USP34: variants seen among roughly 807,000 people sequenced by gnomAD.
The protein encoded by USP34 is ubiquitin carboxyl-terminal hydrolase 34.
In USP34, 70 loss-of-function variants were observed where a neutral mutation model predicts 460.3. The ratio of observed to expected loss-of-function variants is 0.15; its 90% confidence interval spans 0.13 to 0.19. USP34 has a LOEUF of 0.19. Among genes scored for constraint, USP34 ranks in the 10% least tolerant of loss-of-function variants. USP34 has a pLI of 1.00. For missense variants in USP34, 3,985 were observed against 4,236.2 expected (o/e 0.94, Z 1.65); for synonymous variants, 1,647 against 1,405.3 (o/e 1.17, Z -3.85).
intron 18 of USP34, among the ~76,000 whole-genome samples, chr2:61,337,877 C>T (rs1308180163): frequency 6.6e-6 from 1 of 152,144 alleles, no homozygotes; most frequent in Non-Finnish European, 1.5e-5. Flanking sequence ...TATGCAGATG[C>T]ACATATGGAG....
At chr2:61,369,983 TAA>T (rs35212285) in intron 10 of USP34, among the ~76,000 whole-genome samples, 258 of 127,722 alleles carry the variant, frequency 2.0e-3, no homozygotes, top group East Asian at 6.8e-3. Context: ...TATGCCTATT[TAA>T]AAAAAAAAAA....
intron 10 of USP34, among the ~76,000 whole-genome samples, chr2:61,363,916 G>A (rs922784120): frequency 2.0e-5 from 3 of 152,288 alleles, no homozygotes; most frequent in Middle Eastern, 3.4e-3. Flanking sequence ...ACCACTATCT[G>A]TACGCAAAAC....
chr2:61,416,766 G>T, intron 2 of USP34: 2 of 372,282 alleles, frequency 5.4e-6, no homozygotes, highest in Non-Finnish European at 9.5e-6. Context: ...TTAATAAAAT[G>T]ATGATAATCT....
chr2:61,442,219 A>C (rs1179342884), intron 1 of USP34, among the ~76,000 whole-genome samples: 1 of 152,214 alleles, frequency 6.6e-6, no homozygotes, highest in Non-Finnish European at 1.5e-5. Flanking sequence ...TTATGAATAA[A>C]GACTTCAAAA....
intron 1 of USP34, among the ~76,000 whole-genome samples, chr2:61,441,478 G>GTTGGGGGAA (rs2104025296): frequency 6.6e-6 from 1 of 152,222 alleles, no homozygotes; most frequent in South Asian, 2.1e-4. Flanking sequence ...AGAGATGTCA[G>GTTGGGGGAA]GAGGCCTCCT....
intron 2 of USP34, among the ~76,000 whole-genome samples, chr2:61,412,192 A>G (rs1346476455): frequency 3.3e-5 from 2 of 60,172 alleles, no homozygotes; most frequent in African/African-American, 1.3e-4. Context: ...TCCATCTCAA[A>G]AAAAAAAAAA....
chr2:61,203,055 T>C (rs1481943562), intron 75 of USP34, 85 bp downstream of exon 75: 2 of 1,303,678 alleles, frequency 1.5e-6, no homozygotes, highest in African/African-American at 1.5e-5. Flanking sequence ...AAAAAAAGGA[T>C]TGTCTCATAA....
chr2:61,289,478 A>C (rs1361985667), intron 33 of USP34, among the ~76,000 whole-genome samples: 2 of 152,126 alleles, frequency 1.3e-5, no homozygotes, highest in Admixed American at 6.5e-5. Context: ...CTCAATTTTA[A>C]TAACAGTTCA....
At chr2:61,354,271 A>T (rs951392571) in intron 10 of USP34, among the ~76,000 whole-genome samples, 4 of 152,194 alleles carry the variant, frequency 2.6e-5, no homozygotes, top group Non-Finnish European at 5.9e-5. Flanking sequence ...CTTGTCACAT[A>T]TAAGAGATCC....
At chr2:61,196,634 T>C (rs949270371) in intron 75 of USP34, among the ~76,000 whole-genome samples, 12 of 151,994 alleles carry the variant, frequency 7.9e-5, no homozygotes, top group Non-Finnish European at 1.3e-4. Context: ...CAGGCTCAGA[T>C]GATTCTCCCA....
At chr2:61,258,012 C>G (rs985730049) in intron 44 of USP34, among the ~76,000 whole-genome samples, 1 of 152,148 alleles carries the variant, frequency 6.6e-6, no homozygotes, top group Non-Finnish European at 1.5e-5. Flanking sequence ...TCATTTAAAC[C>G]AGCAATTTTC....
At chr2:61,278,025 G>C (rs559924448) in intron 41 of USP34, 140 bp downstream of exon 41, 3 of 1,102,824 alleles carry the variant, frequency 2.7e-6, no homozygotes, top group African/African-American at 1.6e-5. Context: ...ACTCTGAGTC[G>C]AATTAAACCC....
chr2:61,369,957 T>C (rs951465174), intron 10 of USP34, among the ~76,000 whole-genome samples: 1 of 149,590 alleles, frequency 6.7e-6, no homozygotes, highest in Non-Finnish European at 1.5e-5. Context: ...TTTTGGAATT[T>C]TGAATCATGT....
rs1221930101 is a variant in USP34, at chr2:61,199,338, C to G, written c.9508+3802G>C. 2.0e-5 allele frequency among the ~76,000 whole-genome samples: 3 copies of G among 152,280 alleles called. No homozygotes were observed. The East Asian group carries it at 5.8e-4, about 29-fold the overall frequency. On this transcript the variant is annotated intron_variant, in intron 75 of 79. Transcript: ENST00000398571. ...TGGCGCCATCTCGGCTCACTGCAAC[C>G]TCCGCCTCCCAGGCTCAAGCGATTC...
intron 19 of USP34, 95 bp downstream of exon 19, chr2:61,333,787 A>G: frequency 1.2e-6 from 1 of 802,684 alleles, no homozygotes; most frequent in Non-Finnish European, 1.8e-6. Flanking sequence ...TTTTCCTGGT[A>G]CAGAGTAAAA....
intron 35 of USP34, among the ~76,000 whole-genome samples, chr2:61,284,185 G>C (rs1333092948): frequency 6.6e-6 from 1 of 152,114 alleles, no homozygotes; most frequent in African/African-American, 2.4e-5. Context: ...CCCTCAAGAA[G>C]TGCTCATGAT....
chr2:61,315,269 C>T (rs951596066), intron 23 of USP34, among the ~76,000 whole-genome samples: 12 of 152,204 alleles, frequency 7.9e-5, no homozygotes, highest in African/African-American at 1.4e-4. Context: ...AACACAATAA[C>T]GAGCACAATG....
chr2:61,296,205 A>G (rs1424372970), intron 30 of USP34, among the ~76,000 whole-genome samples: 1 of 152,132 alleles, frequency 6.6e-6, no homozygotes, highest in Admixed American at 6.5e-5. Flanking sequence ...GGTTGCAGTG[A>G]GCTGAGACCA....
chr2:61,306,456 T>A (rs1690407039), intron 27 of USP34, among the ~76,000 whole-genome samples: 1 of 152,242 alleles, frequency 6.6e-6, no homozygotes, highest in Admixed American at 6.5e-5. Context: ...AGTACCATGC[T>A]GTTTTGGTTA....
Sources: allele counts gnomAD v4.1 joint callset (sites outside exome capture counted in the v4.1 genomes callset), GRCh38; gene constraint gnomAD v4.1.1; transcripts MANE v1.5; gene names NCBI Gene and HGNC (gene_info 2026-07-23, HGNC 2026-07-21).